GALNTL6: variants seen among roughly 807,000 people sequenced by gnomAD.
The protein encoded by GALNTL6 is polypeptide N-acetylgalactosaminyltransferase like 6, also known as polypeptide N-acetylgalactosaminyltransferase-like 6.
In GALNTL6, 46 loss-of-function variants were observed where a neutral mutation model predicts 73.7. The ratio of observed to expected loss-of-function variants is 0.62; its 90% CI spans 0.49 to 0.80. GALNTL6 has a LOEUF of 0.80. GALNTL6 is among the 30% of genes least tolerant of loss of function. GALNTL6 has a pLI of 0.00. For synonymous variants in GALNTL6, 259 were observed against 263.7 expected, an observed-to-expected ratio of 0.98 and a Z score of 0.17; for missense variants, 604 against 755.0, an observed-to-expected ratio of 0.80 and a Z score of 2.34.
At chr4:172,073,165 A>G (rs1331508650) in intron 2 of GALNTL6, among the ~76,000 whole-genome samples, 1 of 152,188 alleles carries the variant, frequency 6.6e-6, no homozygotes, top group Non-Finnish European at 1.5e-5. Flanking sequence ...TTATACTTAA[A>G]TATCATCTTT....
intron 2 of GALNTL6, among the ~76,000 whole-genome samples, chr4:172,194,149 C>G (rs1735677240): frequency 6.6e-6 from 1 of 152,136 alleles, no homozygotes; most frequent in African/African-American, 2.4e-5. Context: ...CATAAATGAC[C>G]TGATGGAGCT....
In GALNTL6 at chr4:172,798,436, ACTCT is replaced by A. The variant is rs997076520; in HGVS notation, c.554-10916_554-10913del. On this transcript the variant is annotated intron_variant, in intron 5 of 12. Transcript: ENST00000506823. The stretch of plus-strand genomic sequence containing the variant: ...CAAAGTGTGTAGCACCTTCCACCTC[ACTCT>A]CTCTCTCTTGCTTCTACTCTGGCCA... 1.6e-4 allele frequency among the ~76,000 whole-genome samples: 24 copies of A among 151,490 alleles called. No individual in the cohort carries two copies. In the South Asian group the frequency reaches 3.8e-3, roughly 24 times the overall value.
intron 5 of GALNTL6, among the ~76,000 whole-genome samples, chr4:172,582,480 G>T (rs1418750506): frequency 2.0e-5 from 3 of 152,154 alleles, no homozygotes; most frequent in East Asian, 3.9e-4. Flanking sequence ...CACATGGATG[G>T]ATTCAACCAA....
intron 5 of GALNTL6, among the ~76,000 whole-genome samples, chr4:172,697,765 A>C (rs1733782323): frequency 1.3e-5 from 2 of 152,188 alleles, no homozygotes; most frequent in African/African-American, 4.8e-5. Flanking sequence ...CTTGCCTAAA[A>C]TACTAGATCT....
At chr4:172,403,608 A>G (rs1703086415) in intron 5 of GALNTL6, among the ~76,000 whole-genome samples, 2 of 152,088 alleles carry the variant, frequency 1.3e-5, no homozygotes, top group South Asian at 4.1e-4. Context: ...AAGTATGTAC[A>G]ATATACATCA....
rs753258036 is a variant in GALNTL6, at chr4:172,809,477, A to G, written c.670A>G (p.Arg224Gly). The stretch of plus-strand genomic sequence containing the variant: ...CCGTCTCCTGGGGGCATCTATGGCC[A>G]GAGGAGAAGTCCTGACATTCCTGGA... ...RTRLLGASMA[R>G]GEVLTFLDSH... is the part of the protein sequence containing the mutation. Residue 224 changes from arginine (R) to glycine (G), a missense_variant, in exon 6 of 13, where the codon AGA (arginine) becomes GGA (glycine). Arg to Gly is a moderately radical substitution (Grantham distance 125). This residue lies in a region of GALNTL6 where 179 missense variants were observed against 230.8 expected (regional missense o/e 0.78). Transcript: ENST00000506823. The surrounding 1 kb of genome is among the most constrained non-coding windows in gnomAD (Gnocchi z 4.4). The G allele has an allele frequency of 2.5e-6, 4 of 1,613,878 alleles. No individual in the cohort carries two copies. In the South Asian group the frequency reaches 4.4e-5, roughly 18 times the overall value.
intron 2 of GALNTL6, among the ~76,000 whole-genome samples, chr4:171,835,395 TG>T (rs1241335908): frequency 1.3e-5 from 2 of 152,038 alleles, no homozygotes; most frequent in African/African-American, 4.8e-5. Flanking sequence ...TGTTTAACAT[TG>T]TTAGGTGCTA....
chr4:172,669,126 A>G (rs1478707924), intron 5 of GALNTL6: 1 of 152,162 alleles, frequency 6.6e-6, no homozygotes, highest in African/African-American at 2.4e-5. Flanking sequence ...TATTTACTTA[A>G]CTCCATTAGC....
rs561664080 is a variant in GALNTL6, at chr4:172,566,482, C to T, written c.553+217793C>T. 3.8e-4 allele frequency among the ~76,000 whole-genome samples: 58 copies of T among 152,036 alleles called. No homozygotes were observed. In the South Asian group the frequency reaches 9.3e-3, roughly 24 times the overall value. ...AATCAAAATGGAAATTTAAAAAATA[C>T]CTTGATGTAAATAAAAATGAAAACA... On this transcript the variant is annotated intron_variant, in intron 5 of 12. Coordinates refer to ENST00000506823, the MANE Select transcript of GALNTL6 (RefSeq NM_001034845.3).
rs182238002 is a variant in GALNTL6 at position 172,896,536 on chromosome 4, C to T, written c.1041+13629C>T. 1.4e-3 allele frequency among the ~76,000 whole-genome samples: 208 copies of T among 152,322 alleles called. 1 individual carries two copies. Among genetic ancestry groups the T allele is most frequent in the African/African-American group, 4.8e-3 (199 of 41,580 alleles). On this transcript the variant is annotated intron_variant, in intron 8 of 12. Transcript: ENST00000506823. Reference sequence around the variant, plus strand: ...AGACTGTCCCAGTGGCCCAGACAAGCATGTCTCCCAGCAGATCCCTGCACA... The same window carrying T: ...AGACTGTCCCAGTGGCCCAGACAAGTATGTCTCCCAGCAGATCCCTGCACA...
chr4:172,236,186 T>C (rs1414079616), intron 3 of GALNTL6, among the ~76,000 whole-genome samples: 1 of 152,196 alleles, frequency 6.6e-6, no homozygotes, highest in Non-Finnish European at 1.5e-5. Context: ...TGTTTTGAAA[T>C]GTCTAGCCCA....
intron 12 of GALNTL6, 110 bp downstream of exon 12, chr4:173,021,735 T>C: frequency 5.3e-6 from 6 of 1,134,398 alleles, no homozygotes; most frequent in Non-Finnish European, 7.7e-6. Context: ...CACTCACACC[T>C]GTAATCCTGG....
At chr4:171,866,488 T>TTC (rs1178879072) in intron 2 of GALNTL6, among the ~76,000 whole-genome samples, 2 of 152,068 alleles carry the variant, frequency 1.3e-5, no homozygotes, top group African/African-American at 4.8e-5. Context: ...AGTTTCTTTT[T>TTC]TCTCTCTCTC....
At chr4:172,020,510 T>A (rs1396290441) in intron 2 of GALNTL6, among the ~76,000 whole-genome samples, 1 of 151,400 alleles carries the variant, frequency 6.6e-6, no homozygotes, top group Admixed American at 6.6e-5. Context: ...ATTCAAAGGA[T>A]CATTAGTGGC....
intron 5 of GALNTL6, among the ~76,000 whole-genome samples, chr4:172,664,431 C>G (rs950078332): frequency 1.3e-5 from 2 of 152,294 alleles, no homozygotes; most frequent in South Asian, 2.1e-4. Context: ...ATTTCTTTTC[C>G]AAACATACTT....
At chr4:172,958,476 T>C (rs1749867655) in intron 10 of GALNTL6, among the ~76,000 whole-genome samples, 1 of 152,002 alleles carries the variant, frequency 6.6e-6, no homozygotes, top group Admixed American at 6.6e-5. Context: ...ATCTGTGGGG[T>C]CAGCTAGGTT....
chr4:172,822,551 T>G (rs980619445), intron 7 of GALNTL6, among the ~76,000 whole-genome samples: 1 of 152,144 alleles, frequency 6.6e-6, no homozygotes, highest in Non-Finnish European at 1.5e-5. Context: ...TAACATCGCC[T>G]CTTAAATTTT....
At chr4:172,472,932 G>A (rs1202830214) in intron 5 of GALNTL6, among the ~76,000 whole-genome samples, 1 of 152,190 alleles carries the variant, frequency 6.6e-6, no homozygotes, top group Non-Finnish European at 1.5e-5. Flanking sequence ...GAAAGGAGGA[G>A]AGTGTTTAGC....
At chr4:172,568,855 G>A (rs1736662002) in intron 5 of GALNTL6, among the ~76,000 whole-genome samples, 1 of 150,316 alleles carries the variant, frequency 6.7e-6, no homozygotes, top group Admixed American at 6.6e-5. Context: ...GAACGGCTTT[G>A]CATGCAGCCT....
Sources: allele counts gnomAD v4.1 joint callset (sites outside exome capture counted in the v4.1 genomes callset), GRCh38; gene constraint gnomAD v4.1.1; regional missense constraint gnomAD v4.1.1; non-coding constraint Gnocchi (gnomAD v3.1); transcripts MANE v1.5; gene names NCBI Gene and HGNC (gene_info 2026-07-23, HGNC 2026-07-21).